Variants in MIS18A observed in about 807,000 individuals in gnomAD.
The protein encoded by MIS18A is protein Mis18-alpha.
A neutral mutation model predicts 25.0 loss-of-function variants in MIS18A; 14 were observed. The observed-to-expected ratio is 0.56, with a 90% CI of 0.37 to 0.88. The LOEUF is 0.88. Among genes scored for constraint, MIS18A ranks in the 40% least tolerant of loss-of-function variants. The probability of loss-of-function intolerance (pLI) is 0.00; values close to 1 mark genes in which losing one functional copy is unlikely to be tolerated. For synonymous variants in MIS18A, 134 were observed against 118.6 expected (o/e 1.13, Z -0.84); for missense variants, 292 against 290.8 (o/e 1.00, Z -0.03).
the MIS18A span, among the ~76,000 whole-genome samples, chr21:32,223,616 C>G: frequency 7.9e-5 from 12 of 152,176 alleles, no homozygotes; most frequent in Admixed American, 7.9e-4. Flanking sequence ...ATAACAACTT[C>G]TGAAATTGAG....
At chr21:32,167,183 T>C in the MIS18A span, among the ~76,000 whole-genome samples, 1 of 152,126 alleles carries the variant, frequency 6.6e-6, no homozygotes, top group East Asian at 1.9e-4. Flanking sequence ...TCTGCCAGAG[T>C]ATAGGGTGAA....
downstream of MIS18A, among the ~76,000 whole-genome samples, chr21:32,265,765 G>A (rs548655521): frequency 1.3e-5 from 2 of 152,392 alleles, no homozygotes; most frequent in South Asian, 4.1e-4. Flanking sequence ...CCCCGGTGCG[G>A]GATCCACTAG....
At position 32,269,006 on chromosome 21, in the gene MIS18A, CG is replaced by C. The variant is rs760717004; in HGVS notation, c.*30del. The C allele has an allele frequency of 6.9e-7, 1 of 1,458,588 alleles. No individual in the cohort carries two copies. Among genetic ancestry groups the C allele is most frequent in the Non-Finnish European group, 9.4e-7 (1 of 1,064,538 alleles). The allele number at this position is 1,458,588 out of a possible 1,614,324, so 90.4% of individuals were successfully genotyped here. A position where few individuals can be genotyped will look rare whatever the true frequency, so the allele number is the denominator to read the frequency against. On this transcript the variant is annotated 3_prime_UTR_variant, in exon 5 of 5. Coordinates refer to ENST00000290130, the MANE Select transcript of MIS18A (RefSeq NM_018944.3). ...ATTTAACAAATAAGGGGAGGAAGGG[CG>C]GGGGCAGAATGGAGGACACAGACTA...
the MIS18A span, among the ~76,000 whole-genome samples, chr21:32,211,214 T>C: frequency 6.6e-6 from 1 of 152,182 alleles, no homozygotes; most frequent in Non-Finnish European, 1.5e-5. Flanking sequence ...CTAATTTTTA[T>C]ATTTTTAGTA....
chr21:32,235,255 C>T, the MIS18A span, among the ~76,000 whole-genome samples: 2 of 152,174 alleles, frequency 1.3e-5, no homozygotes, highest in Non-Finnish European at 2.9e-5. Flanking sequence ...TCACCTGAGG[C>T]GGCCAGCAAC....
At chr21:32,250,999 C>A in the MIS18A span, among the ~76,000 whole-genome samples, 2 of 152,156 alleles carry the variant, frequency 1.3e-5, no homozygotes, top group South Asian at 4.1e-4. Context: ...CTCATGAGAT[C>A]TGATGGTTTT....
At chr21:32,278,542 G>A (rs1289753968) in intron 1 of MIS18A, 139 bp downstream of exon 1, 2 of 932,148 alleles carry the variant, frequency 2.1e-6, no homozygotes, top group African/African-American at 1.7e-5. Flanking sequence ...TCCTGCCACA[G>A]CTCACACTCT....
At chr21:32,185,797 C>A in the MIS18A span, among the ~76,000 whole-genome samples, 1 of 152,060 alleles carries the variant, frequency 6.6e-6, no homozygotes, top group East Asian at 1.9e-4. Context: ...CCTCCCTGGG[C>A]CCCTGCCACC....
the MIS18A span, among the ~76,000 whole-genome samples, chr21:32,239,875 T>C: frequency 6.6e-6 from 1 of 152,188 alleles, no homozygotes; most frequent in Non-Finnish European, 1.5e-5. Context: ...AAGGAGAAAA[T>C]CTTTGGTGGT....
the MIS18A span, among the ~76,000 whole-genome samples, chr21:32,239,548 G>A: frequency 6.6e-6 from 1 of 152,160 alleles, no homozygotes; most frequent in Non-Finnish European, 1.5e-5. Context: ...GCTGCTCTTT[G>A]TTATTTATAA....
intron 1 of MIS18A, among the ~76,000 whole-genome samples, chr21:32,277,374 C>T (rs1334920033): frequency 2.0e-5 from 3 of 152,210 alleles, no homozygotes; most frequent in Non-Finnish European, 4.4e-5. Context: ...ACATCAAACA[C>T]GTTATTCCTT....
the MIS18A span, among the ~76,000 whole-genome samples, chr21:32,180,598 T>C: frequency 1.3e-5 from 2 of 152,214 alleles, no homozygotes. Context: ...GTGAAGTTGG[T>C]TGATCATAGA....
chr21:32,164,853 A>C, the MIS18A span, among the ~76,000 whole-genome samples: 1 of 152,178 alleles, frequency 6.6e-6, no homozygotes, highest in Non-Finnish European at 1.5e-5. Context: ...TGGTACTGGC[A>C]CCATTTTTTA....
intron 1 of MIS18A, among the ~76,000 whole-genome samples, chr21:32,276,148 G>A (rs994946600): frequency 2.6e-5 from 4 of 152,088 alleles, no homozygotes; most frequent in Non-Finnish European, 5.9e-5. Context: ...AGCAAAGAGC[G>A]TGACCAAGAA....
At chr21:32,160,551 T>C in the MIS18A span, among the ~76,000 whole-genome samples, 1 of 151,938 alleles carries the variant, frequency 6.6e-6, no homozygotes, top group Non-Finnish European at 1.5e-5. Context: ...TCAATCAACA[T>C]ACATAAGATA....
At chr21:32,265,294 T>A (rs1435849762), downstream of MIS18A, among the ~76,000 whole-genome samples, 3 of 152,182 alleles carry the variant, frequency 2.0e-5, no homozygotes, top group African/African-American at 4.8e-5. Context: ...TGGCCAAGGC[T>A]GGAGCCCACT....
the MIS18A span, among the ~76,000 whole-genome samples, chr21:32,157,711 C>G: frequency 2.6e-5 from 4 of 151,772 alleles, no homozygotes; most frequent in Non-Finnish European, 5.9e-5. Context: ...TTATTTTTTT[C>G]ATTTAGTTTT....
the MIS18A span, among the ~76,000 whole-genome samples, chr21:32,246,108 T>A: frequency 6.6e-6 from 1 of 152,232 alleles, no homozygotes; most frequent in African/African-American, 2.4e-5. Context: ...CTCGCTCTGG[T>A]GAGGACAGTA....
chr21:32,164,456 A>G, the MIS18A span, among the ~76,000 whole-genome samples: 1 of 152,176 alleles, frequency 6.6e-6, no homozygotes, highest in African/African-American at 2.4e-5. Context: ...ACTCATGTAG[A>G]TAAGACCTTA....
Sources: gnomAD v4.1 joint callset for allele counts (sites outside exome capture counted in the v4.1 genomes callset) on GRCh38, gnomAD v4.1.1 for gene constraint, MANE v1.5 for transcripts, NCBI Gene and HGNC (gene_info 2026-07-23, HGNC 2026-07-21) for gene names.